The following CSMD1 variants were observed in gnomAD, a reference collection of about 807,000 sequenced individuals.
CSMD1 encodes the protein CUB and sushi domain-containing protein 1.
In CSMD1, 213 loss-of-function variants were observed where a neutral mutation model predicts 417.5. The observed-to-expected ratio is 0.51, with a 90% CI of 0.46 to 0.57. CSMD1 has a LOEUF of 0.57. CSMD1 is among the 20% of genes least tolerant of loss of function. The pLI is 0.00. For missense variants in CSMD1, 6,923 were observed against 4,529.7 expected, an observed-to-expected ratio of 1.53 and a Z score of -15.17; for synonymous variants, 2,862 against 1,736.8, an observed-to-expected ratio of 1.65 and a Z score of -16.11.
At chr8:3,359,700 G>A (rs575856953) in intron 20 of CSMD1, among the ~76,000 whole-genome samples, 3 of 152,232 alleles carry the variant, frequency 2.0e-5, no homozygotes, top group South Asian at 2.1e-4. Flanking sequence ...GGTGACTATA[G>A]TGAGTAATAA....
chr8:3,898,662 G>C (rs142609677), intron 5 of CSMD1, among the ~76,000 whole-genome samples: 8 of 152,242 alleles, frequency 5.3e-5, no homozygotes, highest in African/African-American at 1.9e-4. Context: ...ATGCAGACCT[G>C]GTATTTGTTG....
intron 30 of CSMD1, among the ~76,000 whole-genome samples, chr8:3,212,524 T>C (rs1797670605): frequency 1.3e-5 from 2 of 151,986 alleles, no homozygotes; most frequent in South Asian, 4.2e-4. Context: ...AAGTTTTGTA[T>C]TGTGTTTTTG....
At chr8:3,563,933 A>G (rs13250067) in intron 10 of CSMD1, among the ~76,000 whole-genome samples, 54,833 of 151,762 alleles carry the variant, frequency 0.36, 10,162 homozygotes, top group African/African-American at 0.45. Flanking sequence ...TTTTAAACCT[A>G]TTTTTCATGA....
Position 2,950,360 on chromosome 8 carries a change from A to T in CSMD1, c.10202-17T>A, listed in dbSNP as rs772998900. 1.3e-6 allele frequency: 2 copies of T among 1,498,090 alleles called. No homozygotes were observed. The allele number at this position is 1,498,090 out of a possible 1,614,324, so 92.8% of individuals were successfully genotyped here. A position where few individuals can be genotyped will look rare whatever the true frequency, so the allele number is the denominator to read the frequency against. ...TGTAAATGCCTGTGAAAAGATCAGCAGTTTAGGCTTACCTTGGAGAAAGTT... is the reference window on the plus strand; with the variant it reads ...TGTAAATGCCTGTGAAAAGATCAGCTGTTTAGGCTTACCTTGGAGAAAGTT... On this transcript the variant is annotated splice_polypyrimidine_tract_variant and intron_variant, in intron 66 of 69. Coordinates refer to ENST00000635120, the MANE Select transcript of CSMD1 (RefSeq NM_033225.6).
At chr8:3,745,515 C>T (rs1366173146) in intron 6 of CSMD1, among the ~76,000 whole-genome samples, 1 of 152,208 alleles carries the variant, frequency 6.6e-6, no homozygotes, top group East Asian at 1.9e-4. Flanking sequence ...AGGAAACTCG[C>T]CCAGGATCTA....
intron 3 of CSMD1, among the ~76,000 whole-genome samples, chr8:4,178,286 C>G (rs1425093225): frequency 6.6e-6 from 1 of 151,802 alleles, no homozygotes; most frequent in African/African-American, 2.4e-5. Context: ...ATACGCAAAT[C>G]AATAAATGTA....
At chr8:4,144,328 C>G (rs1358286815) in intron 3 of CSMD1, among the ~76,000 whole-genome samples, 2 of 151,132 alleles carry the variant, frequency 1.3e-5, no homozygotes, top group African/African-American at 4.9e-5. Flanking sequence ...TGGCCATATT[C>G]ATTCTACTTC....
intron 20 of CSMD1, among the ~76,000 whole-genome samples, 175 bp from the exon 21 acceptor site, chr8:3,359,515 T>G (rs1490287629): frequency 6.6e-6 from 1 of 151,468 alleles, no homozygotes; most frequent in East Asian, 1.9e-4. Flanking sequence ...TGAACTGTCT[T>G]ATGACAAATG....
chr8:4,915,777 G>A (rs1032377261), intron 1 of CSMD1, among the ~76,000 whole-genome samples: 1 of 152,242 alleles, frequency 6.6e-6, no homozygotes, highest in Non-Finnish European at 1.5e-5. Flanking sequence ...CAAACTTTTA[G>A]CAGAGACACT....
chr8:4,493,358 G>A (rs897741057), intron 2 of CSMD1, among the ~76,000 whole-genome samples: 24 of 152,072 alleles, frequency 1.6e-4, no homozygotes, highest in Non-Finnish European at 3.2e-4. Context: ...CTAAATGATG[G>A]TTGTTAGTTT....
At chr8:4,415,317 T>C (rs2128937007) in intron 3 of CSMD1, among the ~76,000 whole-genome samples, 1 of 152,260 alleles carries the variant, frequency 6.6e-6, no homozygotes, top group South Asian at 2.1e-4. Context: ...GGCATCTGTT[T>C]TTCTCTATGC....
At chr8:4,393,010 C>G (rs925678181) in intron 3 of CSMD1, among the ~76,000 whole-genome samples, 2 of 152,092 alleles carry the variant, frequency 1.3e-5, no homozygotes, top group African/African-American at 2.4e-5. Context: ...GAGTGTCACT[C>G]TGTCATCCAG....
intron 3 of CSMD1, among the ~76,000 whole-genome samples, chr8:4,346,288 T>C (rs970614369): frequency 6.6e-6 from 1 of 152,160 alleles, no homozygotes; most frequent in African/African-American, 2.4e-5. Context: ...ACATGAAAGA[T>C]ACACATAATT....
At position 3,908,299 on chromosome 8, in the gene CSMD1, T is replaced by A. The variant is rs1808241895; in HGVS notation, c.818+89604A>T. On this transcript the variant is annotated intron_variant, in intron 5 of 69. Transcript: ENST00000635120. ...AGAAATCTTCCCAACATCGCATATA[T>A]CATGAAAGGAAATGTGAAGATTTCA... 2.0e-5 allele frequency among the ~76,000 whole-genome samples: 3 copies of A among 152,198 alleles called. No homozygotes were observed. In the South Asian group the frequency reaches 6.2e-4, roughly 31 times the overall value.
At chr8:3,560,756 A>C (rs1429401331) in intron 10 of CSMD1, among the ~76,000 whole-genome samples, 1 of 152,164 alleles carries the variant, frequency 6.6e-6, no homozygotes, top group Non-Finnish European at 1.5e-5. Flanking sequence ...TTTCAGGAGA[A>C]CTTTTTTGGC....
intron 1 of CSMD1, among the ~76,000 whole-genome samples, chr8:4,925,215 GTTTTT>G (rs10692207): frequency 6.9e-5 from 5 of 72,734 alleles, no homozygotes; most frequent in African/African-American, 1.1e-4. Flanking sequence ...CAGTTTTATG[GTTTTT>G]TTTTTTTTTT....
At chr8:3,866,740 T>C (rs1805131690) in intron 5 of CSMD1, among the ~76,000 whole-genome samples, 1 of 152,106 alleles carries the variant, frequency 6.6e-6, no homozygotes, top group Non-Finnish European at 1.5e-5. Context: ...GCCACAGGGA[T>C]TCTCCTGATG....
chr8:4,822,419 A>C (rs1799574003), intron 1 of CSMD1, among the ~76,000 whole-genome samples: 1 of 152,126 alleles, frequency 6.6e-6, no homozygotes, highest in East Asian at 1.9e-4. Flanking sequence ...TTAAAAAGAT[A>C]ATCTATATGC....
chr8:3,620,486 T>G (rs1802371363), intron 7 of CSMD1, among the ~76,000 whole-genome samples: 1 of 152,144 alleles, frequency 6.6e-6, no homozygotes, highest in Non-Finnish European at 1.5e-5. Context: ...ATAGTTACAT[T>G]ATATATAAAG....
Sources: allele counts gnomAD v4.1 joint callset (sites outside exome capture counted in the v4.1 genomes callset), GRCh38; gene constraint gnomAD v4.1.1; transcripts MANE v1.5; gene names NCBI Gene and HGNC (gene_info 2026-07-23, HGNC 2026-07-21).